The following WFDC8 variants were observed in gnomAD, a reference collection of about 807,000 sequenced individuals.
WFDC8 encodes WAP four-disulfide core domain 8, also known as WAP four-disulfide core domain protein 8.
Under a neutral mutation model 27.0 loss-of-function variants are expected in WFDC8, and 24 were observed. The observed-to-expected ratio is 0.89, with a 90% CI of 0.64 to 1.25. WFDC8 has a LOEUF of 1.25. Among genes scored for constraint, WFDC8 ranks in the 50% most tolerant of loss-of-function variants. The pLI, the probability that WFDC8 is intolerant of heterozygous loss-of-function variation, is 0.00. For missense variants in WFDC8, 287 were observed against 295.9 expected (o/e 0.97, Z 0.22); for synonymous variants, 106 against 99.7 (o/e 1.06, Z -0.38).
intron 1 of WFDC8, among the ~76,000 whole-genome samples, chr20:45,564,920 G>T (rs1001671993): frequency 1.4e-5 from 2 of 145,652 alleles, no homozygotes; most frequent in African/African-American, 5.1e-5. Context: ...AAAGAAGAAA[G>T]AGAGAGTGAA....
intron 1 of WFDC8, among the ~76,000 whole-genome samples, chr20:45,569,234 G>C (rs1212949780): frequency 6.6e-6 from 1 of 152,182 alleles, no homozygotes; most frequent in Non-Finnish European, 1.5e-5. Flanking sequence ...AGGAGAGGGA[G>C]GGTTAAAATA....
intron 1 of WFDC8, among the ~76,000 whole-genome samples, chr20:45,574,899 C>A (rs1318027479): frequency 1.3e-5 from 2 of 152,090 alleles, no homozygotes; most frequent in Admixed American, 1.3e-4. Flanking sequence ...ATGTGGTGAA[C>A]CATCTTAACA....
chr20:45,576,729 A>T (rs1466675507), intron 1 of WFDC8, among the ~76,000 whole-genome samples: 3 of 151,304 alleles, frequency 2.0e-5, no homozygotes, highest in African/African-American at 7.3e-5. Flanking sequence ...TATTAATCAA[A>T]CTATACTCTC....
In WFDC8 at chr20:45,555,219, G is replaced by A. The variant is rs149550320; in HGVS notation, c.445+482C>T. Among the ~76,000 whole-genome samples the A allele has an allele frequency of 2.0e-3, 299 of 152,264 alleles. 2 individuals carry two copies. Among genetic ancestry groups the A allele is most frequent in the African/African-American group, 7.0e-3 (291 of 41,560 alleles). ...TAGGACACTGTTTCCCAACATTGCT[G>A]GTGATGATCATTATACTAAGGAATG... is the stretch of plus-strand genomic sequence containing the variant. On this transcript the variant is annotated intron_variant, in intron 4 of 5. Coordinates refer to ENST00000289953, the MANE Select transcript of WFDC8 (RefSeq NM_130896.3).
chr20:45,552,063 G>A lies in WFDC8; in HGVS notation c.689C>T (p.Ser230Leu). Residue 230 changes from serine (S) to leucine (L), a missense_variant, in exon 6 of 6, where the codon TCA becomes TTA. Physicochemically the swap from Ser to Leu is moderately radical, Grantham distance 145. Transcript: ENST00000289953. ...EECPLVEKCC[S>L]HCGLKCMDPR... is the part of the protein sequence containing the mutation. The stretch of plus-strand genomic sequence containing the variant: ...GTCCATACATTTCAGTCCACAATGT[G>A]AGCAGCACTTTTCCACCAATGGGCA... 6.2e-7 allele frequency: 1 copy of A among 1,614,088 alleles called. No individual in the cohort carries two copies. Among genetic ancestry groups the A allele is most frequent in the East Asian group, 2.2e-5 (1 of 44,884 alleles).
At chr20:45,577,339 G>A (rs1981078916) in intron 1 of WFDC8, among the ~76,000 whole-genome samples, 1 of 151,258 alleles carries the variant, frequency 6.6e-6, no homozygotes, top group African/African-American at 2.4e-5. Context: ...GTTCAGGCAT[G>A]AGTTACAGGG....
intron 5 of WFDC8, among the ~76,000 whole-genome samples, chr20:45,552,919 G>A (rs985804393): frequency 6.6e-6 from 1 of 152,178 alleles, no homozygotes; most frequent in African/African-American, 2.4e-5. Context: ...AGAATAGAGA[G>A]CAATGCTATG....
intron 5 of WFDC8, 76 bp downstream of exon 5, chr20:45,553,060 C>T: frequency 1.3e-6 from 2 of 1,530,264 alleles, no homozygotes; most frequent in East Asian, 2.3e-5. Context: ...TTCAAGACAC[C>T]CCCCACTCCA....
chr20:45,558,724 G>T (rs1980356406), intron 3 of WFDC8, 128 bp downstream of exon 3: 4 of 1,125,624 alleles, frequency 3.6e-6, no homozygotes, highest in African/African-American at 3.1e-5. Flanking sequence ...TGAGGGTTAG[G>T]CATTGAATAA....
At chr20:45,563,218 A>C (rs895838300) in intron 1 of WFDC8, among the ~76,000 whole-genome samples, 4 of 152,218 alleles carry the variant, frequency 2.6e-5, no homozygotes, top group African/African-American at 9.7e-5. Context: ...TATGACCCCA[A>C]ACATAGTGAT....
chr20:45,554,152 C>T (rs771037701), intron 4 of WFDC8, among the ~76,000 whole-genome samples: 18 of 110,172 alleles, frequency 1.6e-4, no homozygotes, highest in Non-Finnish European at 3.3e-4. Context: ...TGACACCATG[C>T]CTGTTTTTTT....
At chr20:45,561,887 T>G (rs1275107328) in intron 2 of WFDC8, among the ~76,000 whole-genome samples, 2 of 151,878 alleles carry the variant, frequency 1.3e-5, no homozygotes, top group Non-Finnish European at 2.9e-5. Flanking sequence ...ATATATATAG[T>G]CTCCTTACAT....
chr20:45,569,581 G>A (rs1224198851), intron 1 of WFDC8, among the ~76,000 whole-genome samples: 2 of 152,078 alleles, frequency 1.3e-5, no homozygotes, highest in East Asian at 1.9e-4. Context: ...AGCATGAATG[G>A]CATTGCCTAG....
At chr20:45,571,843 G>C (rs1220618298) in intron 1 of WFDC8, among the ~76,000 whole-genome samples, 2 of 152,090 alleles carry the variant, frequency 1.3e-5, no homozygotes, top group Non-Finnish European at 2.9e-5. Flanking sequence ...GTAGTTCATT[G>C]TGTATATATA....
At chr20:45,568,156 C>T in intron 1 of WFDC8, 1 of 332,020 alleles carries the variant, frequency 3.0e-6, no homozygotes, top group Non-Finnish European at 6.1e-6. Flanking sequence ...CAATTTCCAA[C>T]TGGTATACTG....
At chr20:45,554,178 G>A (rs909205762) in intron 4 of WFDC8, among the ~76,000 whole-genome samples, 2 of 151,624 alleles carry the variant, frequency 1.3e-5, no homozygotes, top group African/African-American at 4.8e-5. Context: ...TTGTGTTTTT[G>A]TTTTTGTTTT....
intron 2 of WFDC8, chr20:45,559,763 A>G (rs1278987641): frequency 6.6e-6 from 1 of 152,276 alleles, no homozygotes; most frequent in Non-Finnish European, 1.5e-5. Context: ...GAAAAAAACT[A>G]CAGCACCCAG....
At chr20:45,570,690 C>T (rs1210202764) in intron 1 of WFDC8, among the ~76,000 whole-genome samples, 1 of 152,090 alleles carries the variant, frequency 6.6e-6, no homozygotes, top group Non-Finnish European at 1.5e-5. Flanking sequence ...GTGGTATTGC[C>T]GGGTTATGTG....
chr20:45,575,588 C>T (rs1981015912), intron 1 of WFDC8, among the ~76,000 whole-genome samples: 2 of 151,174 alleles, frequency 1.3e-5, no homozygotes, highest in Non-Finnish European at 1.5e-5. Flanking sequence ...TTAAAATGCC[C>T]ATACCACCCA....
Sources: allele counts gnomAD v4.1 joint callset (sites outside exome capture counted in the v4.1 genomes callset), GRCh38; gene constraint gnomAD v4.1.1; transcripts MANE v1.5; gene names NCBI Gene and HGNC (gene_info 2026-07-23, HGNC 2026-07-21).